The following BCL2L15 variants were observed in gnomAD, a reference collection of about 807,000 sequenced individuals.
BCL2L15 encodes the protein bcl-2-like protein 15.
Under a neutral mutation model 18.3 loss-of-function variants are expected in BCL2L15, and 15 were observed. That is an observed-to-expected ratio of 0.82 (90% confidence interval 0.55 to 1.26). The LOEUF is 1.26. Ranked by LOEUF, BCL2L15 falls within the 50% of genes most tolerant of loss-of-function variation. The pLI, the probability that BCL2L15 is intolerant of heterozygous loss-of-function variation, is 0.00. For synonymous variants in BCL2L15, 58 were observed against 68.5 expected (o/e 0.85, Z 0.76); for missense variants, 180 against 201.7 (o/e 0.89, Z 0.65).
At chr1:113,881,165 C>T (rs1202207292) in intron 3 of BCL2L15, 25 bp from the exon 4 acceptor site, 2 of 1,613,850 alleles carry the variant, frequency 1.2e-6, no homozygotes, top group East Asian at 2.2e-5. Flanking sequence ...GAAAATCCTA[C>T]AGTCAAAGGA....
In BCL2L15 at chr1:113,887,342, C is replaced by T. The variant is rs200731954; in HGVS notation, c.34G>A (p.Glu12Lys). The change falls in exon 1 of 4, where the codon GAA becomes AAA. Residue 12 changes from glutamate (E) to lysine (K), a missense_variant. Transcript: ENST00000393316. Reference sequence around the variant, plus strand: ...ATGAGTAGAGTGTTCACAATGCATTCCGTTTGTTCCTCAAAAGTTTGGGAG... The same window carrying T: ...ATGAGTAGAGTGTTCACAATGCATTTCGTTTGTTCCTCAAAAGTTTGGGAG... ...KSSQTFEEQT[E>K]CIVNTLLMDF... 3.1e-6 allele frequency: 5 copies of T among 1,614,158 alleles called. No individual in the cohort carries two copies. In the African/African-American group the frequency reaches 4.0e-5, roughly 13 times the overall value.
In BCL2L15 at chr1:113,881,105, G is replaced by A. The variant is rs781103473; in HGVS notation, c.*18C>T. 47 of 1,613,934 alleles carry A rather than the reference G, an allele frequency of 2.9e-5. No individual in the cohort carries two copies. The South Asian group carries it at 3.4e-4, about 12-fold the overall frequency. The stretch of plus-strand genomic sequence containing the variant: ...CAACAAGGAAGTGATGTTCAGTCTC[G>A]TGAATAGCTCCAACTCTTCAGCTCT... On this transcript the variant is annotated 3_prime_UTR_variant, in exon 4 of 4. Transcript: ENST00000393316.
chr1:113,880,841 C>T lies in BCL2L15; in HGVS notation c.*282G>A, dbSNP rs1666859149. The T allele has an allele frequency of 4.2e-6, 2 of 481,312 alleles. No homozygotes were observed. The highest frequency in any genetic ancestry group is 7.3e-5 in the East Asian group (2 of 27,536). 29.8% of individuals were successfully genotyped at this position (481,312 alleles called of 1,614,324 possible). On this transcript the variant is annotated 3_prime_UTR_variant, in exon 4 of 4. Coordinates refer to ENST00000393316, the MANE Select transcript of BCL2L15 (RefSeq NM_001010922.3). ...ATTACTTTGTGTCTAGGGGTCTTTG[C>T]TTCAACAGAACCTCATTAAAACTCA...
rs1666753371 is a variant in BCL2L15 at position 113,877,328 on chromosome 1, T to C, written c.*3795A>G. ...CAGTAGGGAGCAGCTGAAGGTTTTTTTTTTTTTTTTAAAAAAAACAACCTT... is the reference window on the plus strand; with the variant it reads ...CAGTAGGGAGCAGCTGAAGGTTTTTCTTTTTTTTTTAAAAAAAACAACCTT... On this transcript the variant is annotated 3_prime_UTR_variant, in exon 4 of 4. Transcript: ENST00000393316. Among the ~76,000 whole-genome samples, 1 of 151,556 alleles carries C rather than the reference T, an allele frequency of 6.6e-6. No homozygotes were observed. The highest frequency in any genetic ancestry group is 2.1e-4 in the South Asian group (1 of 4,802).
chr1:113,884,193 C>CA (rs1437070696), intron 2 of BCL2L15, among the ~76,000 whole-genome samples: 2 of 152,274 alleles, frequency 1.3e-5, no homozygotes, highest in South Asian at 4.1e-4. Context: ...TTAACAACAT[C>CA]AATACTGGTA....
intron 2 of BCL2L15, 23 bp from the exon 3 acceptor site, chr1:113,882,020 T>C: frequency 1.3e-6 from 2 of 1,599,932 alleles, no homozygotes; most frequent in Non-Finnish European, 1.7e-6. Context: ...AAAGGAAACA[T>C]CAACAGAGTA....
chr1:113,887,339 A>T lies in BCL2L15; in HGVS notation c.37T>A (p.Cys13Ser), dbSNP rs774300907. Reference sequence around the variant, plus strand: ...TCCATGAGTAGAGTGTTCACAATGCATTCCGTTTGTTCCTCAAAAGTTTGG... The same window carrying T: ...TCCATGAGTAGAGTGTTCACAATGCTTTCCGTTTGTTCCTCAAAAGTTTGG... ...SSQTFEEQTE[C>S]IVNTLLMDFL... is the part of the protein sequence containing the mutation. Residue 13 changes from cysteine to serine, a missense_variant, in exon 1 of 4, where the codon TGC (cysteine) becomes AGC (serine). Transcript: ENST00000393316. 4.3e-6 allele frequency: 7 copies of T among 1,614,070 alleles called. No individual in the cohort carries two copies. In the African/African-American group the frequency reaches 8.0e-5, roughly 18 times the overall value.
intron 3 of BCL2L15, chr1:113,881,373 G>T: frequency 9.4e-7 from 1 of 1,069,318 alleles, no homozygotes; most frequent in South Asian, 2.0e-5. Context: ...TTTTTTCTTA[G>T]ATACTATTAA....
Position 113,882,002 on chromosome 1 carries a change from G to A in BCL2L15, c.250-5C>T, listed in dbSNP as rs951068160. 2 of 1,609,738 alleles carry A rather than the reference G, an allele frequency of 1.2e-6. No individual in the cohort carries two copies. The highest frequency in any genetic ancestry group is 1.7e-5 in the Admixed American group (1 of 59,872). ...GTCCTGGAGTATAGCTCCTGTCTGA[G>A]GAAAGACAAAGGAAACATCAACAGA... On this transcript the variant is annotated splice_polypyrimidine_tract_variant and splice_region_variant and intron_variant, in intron 2 of 3. Coordinates refer to ENST00000393316, the MANE Select transcript of BCL2L15 (RefSeq NM_001010922.3).
chr1:113,883,166 T>C (rs1194898469), intron 2 of BCL2L15, among the ~76,000 whole-genome samples: 2 of 151,848 alleles, frequency 1.3e-5, no homozygotes, highest in African/African-American at 4.8e-5. Flanking sequence ...TAGATCTTGA[T>C]TTCTAAATAT....
At chr1:113,881,519 G>A in intron 3 of BCL2L15, 6 of 1,367,914 alleles carry the variant, frequency 4.4e-6, no homozygotes, top group Non-Finnish European at 5.7e-6. Context: ...TTATGTGTAG[G>A]AAATGAAGAT....
In BCL2L15 at chr1:113,881,935, G is replaced by A. The variant is rs1237473533; in HGVS notation, c.312C>T (p.Ser104=). The change falls in exon 3 of 4, where the codon TCC becomes TCT. Residue 104 remains serine, a synonymous_variant. Transcript: ENST00000393316. Reference sequence around the variant, plus strand: ...GAAAAGCTCTCTCATAAGCTAAGCTGGAATCCTGAGCACACCAGGTCTTGC... The same window carrying A: ...GAAAAGCTCTCTCATAAGCTAAGCTAGAATCCTGAGCACACCAGGTCTTGC... ...SLSKTWCAQD[S]SLAYERAFLA... is the part of the protein sequence containing the mutation. The A allele has an allele frequency of 1.5e-5, 24 of 1,614,076 alleles. No individual in the cohort carries two copies. The highest frequency in any genetic ancestry group is 1.9e-5 in the Non-Finnish European group (23 of 1,179,950).
Position 113,887,385 on chromosome 1 carries a change from T to C in BCL2L15, c.-10A>G. On this transcript the variant is annotated 5_prime_UTR_variant, in exon 1 of 4. Transcript: ENST00000393316. ...TTTGGGAGCTCTTCATTTTAGATGTTTGCTGTCAAGTTTTGCTTTTCCACG... is the reference window on the plus strand; with the variant it reads ...TTTGGGAGCTCTTCATTTTAGATGTCTGCTGTCAAGTTTTGCTTTTCCACG... The C allele has an allele frequency of 6.2e-7, 1 of 1,614,038 alleles. No individual in the cohort carries two copies. Among genetic ancestry groups the C allele is most frequent in the Non-Finnish European group, 8.5e-7 (1 of 1,179,914 alleles).
chr1:113,881,399 C>A (rs2102245018), intron 3 of BCL2L15: 1 of 1,161,848 alleles, frequency 8.6e-7, no homozygotes, highest in Non-Finnish European at 1.1e-6. Flanking sequence ...TTCTGACTTC[C>A]CTAACACACA....
In BCL2L15 at chr1:113,887,448, A is replaced by T. The variant is rs146604347; in HGVS notation, c.-73T>A. 1.1e-4 allele frequency: 172 copies of T among 1,602,788 alleles called. No individual in the cohort carries two copies. The highest frequency in any genetic ancestry group is 3.5e-4 in the Admixed American group (21 of 59,328). On this transcript the variant is annotated 5_prime_UTR_variant, in exon 1 of 4. Coordinates refer to ENST00000393316, the MANE Select transcript of BCL2L15 (RefSeq NM_001010922.3). ...TTCAGCCCAGCAGGAAGTTAAAAAC[A>T]CTGGTAAATCAACAAATGTTTCTAC...
Position 113,887,267 on chromosome 1 carries a change from C to T in BCL2L15, c.109G>A (p.Val37Ile). 2 of 1,614,148 alleles carry T rather than the reference C, an allele frequency of 1.2e-6. No individual in the cohort carries two copies. Among genetic ancestry groups the T allele is most frequent in the Non-Finnish European group, 1.7e-6 (2 of 1,179,996 alleles). The change falls in exon 1 of 4, where the codon GTA (valine) becomes ATA (isoleucine). Residue 37 changes from valine (V) to isoleucine (I), a missense_variant. Coordinates refer to ENST00000393316, the MANE Select transcript of BCL2L15 (RefSeq NM_001010922.3). ...LQVASRNLCC[V>I]DEVDSGEPCS... is the part of the protein sequence containing the mutation. ...ACCTTACCTGAATCTACTTCATCTACACAGCATAGGTTCCGGCTGGCAACC... is the reference window on the plus strand; with the variant it reads ...ACCTTACCTGAATCTACTTCATCTATACAGCATAGGTTCCGGCTGGCAACC...
rs1220891861 is a variant in BCL2L15 at position 113,879,926 on chromosome 1, C to CA, written c.*1196dup. The CA allele has an allele frequency of 2.6e-5, 4 of 152,214 alleles. No homozygotes were observed. Among genetic ancestry groups the CA allele is most frequent in the Non-Finnish European group, 5.9e-5 (4 of 68,044 alleles). 9.4% of individuals were successfully genotyped at this position (152,214 alleles called of 1,614,324 possible). On this transcript the variant is annotated 3_prime_UTR_variant, in exon 4 of 4. Transcript: ENST00000393316. ...CTATTCTCTATAGTGATGGCTGTCA[C>CA]ACTCTATATGTACATCAGAATCACC... is the stretch of plus-strand genomic sequence containing the variant.
At position 113,879,906 on chromosome 1, in the gene BCL2L15, C is replaced by G. The variant is rs1666819492; in HGVS notation, c.*1217G>C. On this transcript the variant is annotated 3_prime_UTR_variant, in exon 4 of 4. Transcript: ENST00000393316. ...GTGGGTTGTAATTTATCAATCTATTCTCTATAGTGATGGCTGTCACACTCT... is the reference window on the plus strand; with the variant it reads ...GTGGGTTGTAATTTATCAATCTATTGTCTATAGTGATGGCTGTCACACTCT... 1 of 152,196 alleles carries G rather than the reference C, an allele frequency of 6.6e-6. No homozygotes were observed. The highest frequency in any genetic ancestry group is 1.5e-5 in the Non-Finnish European group (1 of 68,030). 9.4% of individuals were successfully genotyped at this position (152,196 alleles called of 1,614,324 possible). A position where few individuals can be genotyped will look rare whatever the true frequency, so the allele number is the denominator to read the frequency against.
In BCL2L15 at chr1:113,887,436, G is replaced by C; in HGVS notation, c.-61C>G. 2.5e-6 allele frequency: 4 copies of C among 1,609,382 alleles called. No individual in the cohort carries two copies. The highest frequency in any genetic ancestry group is 3.4e-6 in the Non-Finnish European group (4 of 1,177,138). On this transcript the variant is annotated 5_prime_UTR_variant, in exon 1 of 4. Coordinates refer to ENST00000393316, the MANE Select transcript of BCL2L15 (RefSeq NM_001010922.3). ...AAACAAGCAGTTTTCAGCCCAGCAGGAAGTTAAAAACACTGGTAAATCAAC... is the reference window on the plus strand; with the variant it reads ...AAACAAGCAGTTTTCAGCCCAGCAGCAAGTTAAAAACACTGGTAAATCAAC...
Sources: gnomAD v4.1 joint callset for allele counts (sites outside exome capture counted in the v4.1 genomes callset) on GRCh38, gnomAD v4.1.1 for gene constraint, MANE v1.5 for transcripts, NCBI Gene and HGNC (gene_info 2026-07-23, HGNC 2026-07-21) for gene names.